Variants in ANKFN1 observed in about 807,000 individuals in gnomAD.
The protein encoded by ANKFN1 is ankyrin repeat and fibronectin type III domain containing 1.
A neutral mutation model predicts 108.7 loss-of-function variants in ANKFN1; 74 were observed. That is an observed-to-expected ratio of 0.68 (90% confidence interval 0.56 to 0.83). The LOEUF is 0.83. Ranked by LOEUF, ANKFN1 falls within the 40% of genes least tolerant of loss-of-function variation. ANKFN1 has a pLI of 0.00. For synonymous variants in ANKFN1, 547 were observed against 516.2 expected, an observed-to-expected ratio of 1.06 and a Z score of -0.81; for missense variants, 1,505 against 1,382.3, an observed-to-expected ratio of 1.09 and a Z score of -1.41.
chr17:56,273,998 G>A (rs1045857782), intron 3 of ANKFN1, among the ~76,000 whole-genome samples: 1 of 152,126 alleles, frequency 6.6e-6, no homozygotes, highest in Non-Finnish European at 1.5e-5. Flanking sequence ...GGTTCCCCAA[G>A]AGCCTGGGCC....
At chr17:56,348,846 C>T (rs1176193831) in intron 4 of ANKFN1, among the ~76,000 whole-genome samples, 1 of 151,696 alleles carries the variant, frequency 6.6e-6, no homozygotes, top group Non-Finnish European at 1.5e-5. Context: ...TCCTCAAATA[C>T]CTAGAGGCAG....
At chr17:56,180,227 C>T (rs1911558846) in intron 1 of ANKFN1, among the ~76,000 whole-genome samples, 1 of 152,132 alleles carries the variant, frequency 6.6e-6, no homozygotes, top group Non-Finnish European at 1.5e-5. Flanking sequence ...GAGGCAAGGT[C>T]ATATTCTGTC....
intron 3 of ANKFN1, among the ~76,000 whole-genome samples, chr17:56,228,782 T>C (rs1466829695): frequency 6.6e-6 from 1 of 152,052 alleles, no homozygotes; most frequent in African/African-American, 2.4e-5. Flanking sequence ...TCAACAACTA[T>C]AAGGTAGATG....
chr17:56,278,758 C>A (rs1370792932), intron 3 of ANKFN1, among the ~76,000 whole-genome samples: 1 of 152,144 alleles, frequency 6.6e-6, no homozygotes, highest in African/African-American at 2.4e-5. Context: ...TGCCTTATGA[C>A]CAAATACAAA....
chr17:56,206,716 G>T (rs1221330315), intron 1 of ANKFN1: 1 of 152,170 alleles, frequency 6.6e-6, no homozygotes, highest in Non-Finnish European at 1.5e-5. Flanking sequence ...GCGATATGAA[G>T]AAATTAATAC....
intron 6 of ANKFN1, 79 bp downstream of exon 6, chr17:56,354,125 T>TAGCCA: frequency 7.2e-7 from 1 of 1,390,074 alleles, no homozygotes; most frequent in Non-Finnish European, 9.9e-7. Flanking sequence ...CATTGCTGAC[T>TAGCCA]TTCAGAGCAG....
At chr17:56,401,497 G>A (rs1206659763) in intron 8 of ANKFN1, among the ~76,000 whole-genome samples, 5 of 151,976 alleles carry the variant, frequency 3.3e-5, no homozygotes, top group Non-Finnish European at 5.9e-5. Flanking sequence ...GCTGCTGTTG[G>A]TGTATAGAAG....
intron 11 of ANKFN1, among the ~76,000 whole-genome samples, chr17:56,454,608 C>G (rs2049620999): frequency 6.6e-6 from 1 of 152,162 alleles, no homozygotes; most frequent in African/African-American, 2.4e-5. Context: ...TGTAGGGTGA[C>G]CTGGCACCAC....
intron 3 of ANKFN1, among the ~76,000 whole-genome samples, chr17:56,279,110 T>C (rs998782608): frequency 1.3e-5 from 2 of 152,202 alleles, no homozygotes; most frequent in African/African-American, 2.4e-5. Flanking sequence ...AATGAGAATA[T>C]ACCAGCTAAG....
intron 6 of ANKFN1, 109 bp downstream of exon 6, chr17:56,354,155 G>A: frequency 9.7e-7 from 1 of 1,027,742 alleles, no homozygotes; most frequent in Non-Finnish European, 1.4e-6. Flanking sequence ...ACTAAGCATA[G>A]ACTCTGATAG....
At chr17:56,490,339 T>C (rs2050994277) in intron 18 of ANKFN1, among the ~76,000 whole-genome samples, 1 of 152,136 alleles carries the variant, frequency 6.6e-6, no homozygotes, top group South Asian at 2.1e-4. Context: ...AATCTTCAAG[T>C]ATCACAAGTT....
intron 20 of ANKFN1, among the ~76,000 whole-genome samples, chr17:56,502,326 G>A (rs1037900392): frequency 1.3e-5 from 2 of 152,214 alleles, no homozygotes; most frequent in East Asian, 1.9e-4. Context: ...GCCTGAAGAC[G>A]GGTTGCACCA....
At chr17:56,364,061 T>C (rs2046595453) in intron 6 of ANKFN1, among the ~76,000 whole-genome samples, 1 of 152,132 alleles carries the variant, frequency 6.6e-6, no homozygotes, top group African/African-American at 2.4e-5. Flanking sequence ...ATTTCAAAAT[T>C]GGTAAAAGAG....
At chr17:56,123,905 G>T (rs1263759910) in intron 4 of ANKFN1, among the ~76,000 whole-genome samples, 1 of 150,338 alleles carries the variant, frequency 6.7e-6, no homozygotes, top group East Asian at 2.0e-4. Context: ...ATTATGAGAG[G>T]CATTCCCCAG....
intron 1 of ANKFN1, among the ~76,000 whole-genome samples, chr17:56,187,911 A>G (rs1027557873): frequency 2.7e-5 from 4 of 147,340 alleles, no homozygotes; most frequent in Admixed American, 6.8e-5. Context: ...GTTGGGGAAC[A>G]TGACACACCG....
At chr17:56,507,600 C>T (rs1236654672) in intron 20 of ANKFN1, among the ~76,000 whole-genome samples, 1 of 152,182 alleles carries the variant, frequency 6.6e-6, no homozygotes, top group Non-Finnish European at 1.5e-5. Flanking sequence ...TTCCCCTCAG[C>T]TCAACCTGTC....
chr17:56,461,321 T>C (rs1306601804), intron 14 of ANKFN1, among the ~76,000 whole-genome samples: 1 of 152,208 alleles, frequency 6.6e-6, no homozygotes, highest in Non-Finnish European at 1.5e-5. Context: ...AAAACCTAGA[T>C]CTAGTCATGC....
At chr17:56,268,483 G>T (rs2043710887) in intron 3 of ANKFN1, among the ~76,000 whole-genome samples, 1 of 152,054 alleles carries the variant, frequency 6.6e-6, no homozygotes, top group African/African-American at 2.4e-5. Flanking sequence ...AAGTTAGAAA[G>T]ATCTAAAATT....
chr17:56,272,556 T>A (rs539711416), intron 3 of ANKFN1, among the ~76,000 whole-genome samples: 1 of 152,332 alleles, frequency 6.6e-6, no homozygotes, highest in South Asian at 2.1e-4. Flanking sequence ...ATATACCATA[T>A]TTTGTTAATC....
Sources: gnomAD v4.1 joint callset for allele counts (sites outside exome capture counted in the v4.1 genomes callset) on GRCh38, gnomAD v4.1.1 for gene constraint, MANE v1.5 for transcripts, NCBI Gene and HGNC (gene_info 2026-07-23, HGNC 2026-07-21) for gene names.